The following LRRC4C variants were observed in gnomAD, a reference collection of about 807,000 sequenced individuals.
The protein encoded by LRRC4C is leucine rich repeat containing 4C, also known as leucine-rich repeat-containing protein 4C.
A neutral mutation model predicts 33.6 loss-of-function variants in LRRC4C; 5 were observed. The ratio of observed to expected loss-of-function variants is 0.15; its 90% CI spans 0.08 to 0.31. LRRC4C has a LOEUF of 0.31. LRRC4C is among the 10% of genes least tolerant of loss of function. LRRC4C has a pLI of 1.00. For missense variants in LRRC4C, 560 were observed against 796.7 expected (o/e 0.70, Z 3.58); for synonymous variants, 329 against 302.0 (o/e 1.09, Z -0.93).
Position 41,220,148 on chromosome 11 carries a change from A to C in LRRC4C, c.-496+239283T>G, listed in dbSNP as rs115440623. Among the ~76,000 whole-genome samples, 616 of 152,296 alleles carry C rather than the reference A, an allele frequency of 4.0e-3. 4 individuals are homozygous for C. The highest frequency in any genetic ancestry group is 0.014 in the African/African-American group (583 of 41,582). On this transcript the variant is annotated intron_variant, in intron 1 of 6. Transcript: ENST00000528697. ...TGAGGTTTTTTATGCATTAGGAGAC[A>C]GGAATAATAGTAATAATAATGTTTC...
At chr11:41,059,210 G>GTTTTTTTTTTTTTTTTT (rs397935483) in intron 1 of LRRC4C, among the ~76,000 whole-genome samples, 1 of 125,192 alleles carries the variant, frequency 8.0e-6, no homozygotes, top group Non-Finnish European at 1.6e-5. Flanking sequence ...TAAAATAAAA[G>GTTTTTTTTTTTTTTTTT]TTTTTTTTTT....
At position 40,606,784 on chromosome 11, in the gene LRRC4C, G is replaced by A. The variant is rs564832000; in HGVS notation, c.-270+41358C>T. Among the ~76,000 whole-genome samples the A allele has an allele frequency of 5.3e-5, 8 of 151,960 alleles. No homozygotes were observed. In the South Asian group the frequency reaches 1.5e-3, roughly 28 times the overall value. ...GAAGAGGGAATGAAAGGAGGAGAAA[G>A]CTATTTTGAAAAATTAATGGCTGAA... On this transcript the variant is annotated intron_variant, in intron 3 of 6. Transcript: ENST00000528697.
At chr11:40,847,360 G>A (rs1447871949) in intron 2 of LRRC4C, among the ~76,000 whole-genome samples, 2 of 152,036 alleles carry the variant, frequency 1.3e-5, no homozygotes, top group Non-Finnish European at 2.9e-5. Flanking sequence ...GCATGAAGGA[G>A]TGTTGAATTT....
chr11:40,204,863 G>A (rs1052117021), intron 5 of LRRC4C, among the ~76,000 whole-genome samples: 5 of 152,142 alleles, frequency 3.3e-5, no homozygotes, highest in Admixed American at 1.3e-4. Context: ...TTTCGCTGCT[G>A]ATACTTAAAG....
intron 2 of LRRC4C, among the ~76,000 whole-genome samples, chr11:40,753,540 C>CTTTT (rs34980126): frequency 1.5e-5 from 2 of 129,684 alleles, no homozygotes; most frequent in South Asian, 2.5e-4. Context: ...CACAGAGGCA[C>CTTTT]TTTTTTTTTT....
At chr11:40,425,600 G>A (rs1483718331) in intron 3 of LRRC4C, among the ~76,000 whole-genome samples, 1 of 152,160 alleles carries the variant, frequency 6.6e-6, no homozygotes. Flanking sequence ...AAGAAGTTAA[G>A]AATGGAAGAG....
At chr11:40,678,979 T>C (rs1315217340) in intron 2 of LRRC4C, among the ~76,000 whole-genome samples, 1 of 151,980 alleles carries the variant, frequency 6.6e-6, no homozygotes, top group African/African-American at 2.4e-5. Context: ...GTGGGAAAGT[T>C]TGGAACTCCC....
chr11:40,971,517 ATGCAG>A (rs1427164144), intron 1 of LRRC4C, among the ~76,000 whole-genome samples: 1 of 152,226 alleles, frequency 6.6e-6, no homozygotes, highest in Non-Finnish European at 1.5e-5. Flanking sequence ...ATGGATGTCC[ATGCAG>A]AAGCCTGCTT....
At chr11:40,912,803 T>C (rs61886617) in intron 2 of LRRC4C, among the ~76,000 whole-genome samples, 2 of 151,922 alleles carry the variant, frequency 1.3e-5, no homozygotes, top group Non-Finnish European at 2.9e-5. Context: ...AGGAAACCCA[T>C]CTCACATGCA....
intron 1 of LRRC4C, among the ~76,000 whole-genome samples, chr11:40,982,987 T>C (rs867650109): frequency 6.6e-6 from 1 of 152,208 alleles, no homozygotes; most frequent in African/African-American, 2.4e-5. Flanking sequence ...TCCATGTCCT[T>C]GAGAAGGGCA....
chr11:41,125,664 A>G (rs1416728770), intron 1 of LRRC4C, among the ~76,000 whole-genome samples: 1 of 152,162 alleles, frequency 6.6e-6, no homozygotes, highest in African/African-American at 2.4e-5. Flanking sequence ...GTTCATCCAC[A>G]TTTGAAACTG....
At chr11:41,296,604 T>A (rs1950150836) in intron 1 of LRRC4C, among the ~76,000 whole-genome samples, 1 of 152,066 alleles carries the variant, frequency 6.6e-6, no homozygotes, top group Non-Finnish European at 1.5e-5. Flanking sequence ...CATGAGTGAA[T>A]TGGGCCTATG....
chr11:40,916,083 T>G (rs1264477919), intron 2 of LRRC4C, among the ~76,000 whole-genome samples: 2 of 152,152 alleles, frequency 1.3e-5, no homozygotes, highest in African/African-American at 4.8e-5. Context: ...ATAGGAACAC[T>G]TTTACACTGT....
chr11:40,494,375 A>T (rs548835599), intron 3 of LRRC4C, among the ~76,000 whole-genome samples: 1 of 152,340 alleles, frequency 6.6e-6, no homozygotes, highest in African/African-American at 2.4e-5. Context: ...TAATGTTGGA[A>T]TATATTTATT....
intron 1 of LRRC4C, among the ~76,000 whole-genome samples, chr11:41,092,065 T>A (rs1940462904): frequency 6.6e-6 from 1 of 152,094 alleles, no homozygotes; most frequent in Admixed American, 6.5e-5. Context: ...CCATTTTCAT[T>A]ATTTTAAGTA....
chr11:40,521,977 G>A (rs908210068), intron 3 of LRRC4C, among the ~76,000 whole-genome samples: 1 of 152,130 alleles, frequency 6.6e-6, no homozygotes, highest in Non-Finnish European at 1.5e-5. Flanking sequence ...GTTTAGGTTG[G>A]AACAGACAAA....
intron 1 of LRRC4C, among the ~76,000 whole-genome samples, chr11:41,117,293 C>A (rs1590646648): frequency 6.6e-6 from 1 of 152,136 alleles, no homozygotes; most frequent in African/African-American, 2.4e-5. Flanking sequence ...TTTGTAGCCA[C>A]TTGCCAAATC....
At chr11:40,848,761 G>A (rs7925546) in intron 2 of LRRC4C, among the ~76,000 whole-genome samples, 139,783 of 152,186 alleles carry the variant, frequency 0.92, 64,297 homozygotes, top group East Asian at 1. Context: ...TTCTCCCATT[G>A]TTATTGCGTG....
intron 2 of LRRC4C, among the ~76,000 whole-genome samples, chr11:40,801,599 A>G (rs920600595): frequency 7.9e-5 from 12 of 152,320 alleles, no homozygotes; most frequent in Middle Eastern, 6.8e-3. Context: ...TTGTATATAT[A>G]GAGAAATGTA....
Sources: allele counts gnomAD v4.1 joint callset (sites outside exome capture counted in the v4.1 genomes callset), GRCh38; gene constraint gnomAD v4.1.1; transcripts MANE v1.5; gene names NCBI Gene and HGNC (gene_info 2026-07-23, HGNC 2026-07-21).